LRTM3: variants seen among roughly 807,000 people sequenced by gnomAD.
The protein encoded by LRTM3 is leucine-rich repeat transmembrane protein 3.
chr13:102,742,878 A>T, the LRTM3 span: 2 of 1,550,776 alleles, frequency 1.3e-6, no homozygotes, highest in Middle Eastern at 3.3e-4. Flanking sequence ...TATTTGTTTG[A>T]TATGGCATCA....
the LRTM3 span, chr13:102,747,008 A>G: frequency 6.4e-7 from 1 of 1,551,102 alleles, no homozygotes; most frequent in Non-Finnish European, 8.7e-7. Context: ...CTCTGTTTTA[A>G]TCTCCTTCTC....
At chr13:102,731,755 T>C in the LRTM3 span, 6 of 1,551,300 alleles carry the variant, frequency 3.9e-6, no homozygotes, top group Admixed American at 7.8e-5. Context: ...GCACAGTTCC[T>C]GGGAAAGCTT....
At chr13:102,731,094 G>A in the LRTM3 span, 81 of 1,551,180 alleles carry the variant, frequency 5.2e-5, no homozygotes, top group Non-Finnish European at 6.4e-5. Flanking sequence ...AGGGTATGAG[G>A]CAATAGCATC....
the LRTM3 span, chr13:102,743,992 A>G: frequency 1.9e-6 from 3 of 1,550,354 alleles, no homozygotes; most frequent in Non-Finnish European, 2.6e-6. Context: ...GTGTTCTGTT[A>G]GATAGAATGC....
chr13:102,731,121 C>T, the LRTM3 span: 1 of 1,551,378 alleles, frequency 6.4e-7, no homozygotes, highest in African/African-American at 1.4e-5. Flanking sequence ...GCAGAAGTCA[C>T]TGCAGATGTT....
chr13:102,739,649 G>T, the LRTM3 span: 2 of 1,550,214 alleles, frequency 1.3e-6, no homozygotes, highest in Admixed American at 2.0e-5. Flanking sequence ...TGACTTCCTT[G>T]GCTTCAAAAT....
the LRTM3 span, among the ~76,000 whole-genome samples, chr13:102,756,537 G>A: frequency 6.6e-6 from 1 of 151,640 alleles, no homozygotes; most frequent in African/African-American, 2.4e-5. Flanking sequence ...AGCCAGGTGT[G>A]ATGGTGGGTG....
chr13:102,741,585 G>T, the LRTM3 span: 1 of 1,550,318 alleles, frequency 6.5e-7, no homozygotes. Flanking sequence ...TCCATAATGG[G>T]GCAGGCCATA....
chr13:102,729,634 C>T, the LRTM3 span: 24 of 1,548,630 alleles, frequency 1.5e-5, no homozygotes, highest in Middle Eastern at 1.7e-4. Context: ...GTGAGTCTGC[C>T]GGTACACAGG....
At chr13:102,756,097 C>T in the LRTM3 span, among the ~76,000 whole-genome samples, 5 of 151,026 alleles carry the variant, frequency 3.3e-5, no homozygotes, top group African/African-American at 9.7e-5. Flanking sequence ...GGATTACAGG[C>T]GCATGCCACC....
the LRTM3 span, chr13:102,729,956 G>C: frequency 6.4e-7 from 1 of 1,551,898 alleles, no homozygotes; most frequent in Non-Finnish European, 8.7e-7. Flanking sequence ...GGGAGCTGAA[G>C]AGTAACTTGT....
chr13:102,756,195 G>A, the LRTM3 span, among the ~76,000 whole-genome samples: 6 of 150,136 alleles, frequency 4.0e-5, no homozygotes, highest in Admixed American at 2.7e-4. Context: ...TCAGTGATCC[G>A]CCCACCTCAG....
chr13:102,743,798 T>G, the LRTM3 span: 40 of 1,550,356 alleles, frequency 2.6e-5, no homozygotes, highest in Non-Finnish European at 3.4e-5. Flanking sequence ...CTTCTTTTCC[T>G]TCATAGTTAA....
chr13:102,731,229 G>A, the LRTM3 span: 5 of 1,551,352 alleles, frequency 3.2e-6, no homozygotes, highest in Non-Finnish European at 4.4e-6. Context: ...CTGGCAAGAG[G>A]TGAATCCTTT....
At chr13:102,734,396 G>A in the LRTM3 span, 1 of 1,551,336 alleles carries the variant, frequency 6.4e-7, no homozygotes, top group East Asian at 2.4e-5. Context: ...AGATGGCAAA[G>A]GTTTGGAAAA....
At chr13:102,758,330 A>G in the LRTM3 span, 1 of 928,446 alleles carries the variant, frequency 1.1e-6, no homozygotes. Flanking sequence ...TCTGAAATTC[A>G]GAAGTAAAGG....
At chr13:102,743,650 T>TTCTTCC in the LRTM3 span, 1 of 1,549,982 alleles carries the variant, frequency 6.5e-7, no homozygotes, top group African/African-American at 1.4e-5. Flanking sequence ...TTTCTTGTAC[T>TTCTTCC]TCTTCCTCTT....
the LRTM3 span, chr13:102,732,571 T>C: frequency 1.3e-6 from 2 of 1,551,298 alleles, no homozygotes; most frequent in Non-Finnish European, 1.7e-6. Context: ...TAGATGCTTC[T>C]AGTTCTTTTT....
At chr13:102,745,737 C>G in the LRTM3 span, 7 of 1,551,120 alleles carry the variant, frequency 4.5e-6, no homozygotes, top group East Asian at 1.7e-4. Context: ...GATGAGATAC[C>G]ACCTTCTCTT....
Sources: allele counts gnomAD v4.1 joint callset (sites outside exome capture counted in the v4.1 genomes callset), GRCh38; gene constraint gnomAD v4.1.1; transcripts MANE v1.5; gene names NCBI Gene and HGNC (gene_info 2026-07-23, HGNC 2026-07-21).